The following SGCZ variants were observed in gnomAD, a reference collection of about 807,000 sequenced individuals.
SGCZ encodes zeta-sarcoglycan.
SGCZ carries 40 observed loss-of-function variants against 41.3 expected under a neutral mutation model. The observed-to-expected ratio is 0.97, with a 90% confidence interval of 0.75 to 1.26. The LOEUF (loss-of-function observed/expected upper bound fraction) is 1.26, where lower values mean the gene tolerates loss of function less well. Among genes scored for constraint, SGCZ ranks in the 50% most tolerant of loss-of-function variants. The pLI is 0.00. For missense variants in SGCZ, 552 were observed against 369.8 expected (o/e 1.49, Z -4.04); for synonymous variants, 206 against 137.5 (o/e 1.50, Z -3.49).
intron 2 of SGCZ, among the ~76,000 whole-genome samples, chr8:14,333,559 C>T (rs1209832394): frequency 6.6e-6 from 1 of 151,754 alleles, no homozygotes; most frequent in East Asian, 1.9e-4. Context: ...TTTAGAAAAC[C>T]ATTGCATGAT....
intron 1 of SGCZ, among the ~76,000 whole-genome samples, chr8:14,738,956 A>G (rs1799125014): frequency 6.6e-6 from 1 of 152,074 alleles, no homozygotes; most frequent in Non-Finnish European, 1.5e-5. Context: ...TTCAACAACT[A>G]TGATTGGTGG....
intron 2 of SGCZ, among the ~76,000 whole-genome samples, chr8:14,406,457 C>A (rs1320980434): frequency 6.6e-6 from 1 of 152,100 alleles, no homozygotes; most frequent in African/African-American, 2.4e-5. Context: ...TTCTCTTGTT[C>A]ATTGCTGGGG....
At chr8:14,786,678 T>C (rs1393127831) in intron 1 of SGCZ, among the ~76,000 whole-genome samples, 1 of 151,836 alleles carries the variant, frequency 6.6e-6, no homozygotes, top group Non-Finnish European at 1.5e-5. Flanking sequence ...AAACAGAAAG[T>C]CTATGGAGTT....
intron 5 of SGCZ, among the ~76,000 whole-genome samples, chr8:14,124,042 A>G (rs1485252039): frequency 6.6e-6 from 1 of 152,146 alleles, no homozygotes; most frequent in African/African-American, 2.4e-5. Flanking sequence ...AAAGCAAAGG[A>G]AACAGATTGA....
intron 1 of SGCZ, among the ~76,000 whole-genome samples, chr8:15,232,745 A>G (rs921326899): frequency 6.8e-6 from 1 of 146,082 alleles, no homozygotes. Context: ...ATATGTGTGT[A>G]TATATATACA....
intron 1 of SGCZ, among the ~76,000 whole-genome samples, chr8:14,730,207 G>A (rs13263700): frequency 0.18 from 27,984 of 152,110 alleles, 2,814 homozygotes; most frequent in Admixed American, 0.29. Flanking sequence ...CTGGAGTGCC[G>A]CACGAAGCTT....
intron 1 of SGCZ, among the ~76,000 whole-genome samples, chr8:15,023,292 T>A (rs1478894513): frequency 6.6e-6 from 1 of 152,178 alleles, no homozygotes; most frequent in African/African-American, 2.4e-5. Context: ...CCCAGCAGCC[T>A]GCTGGTTTGT....
At chr8:14,556,806 T>G (rs73533170) in intron 1 of SGCZ, among the ~76,000 whole-genome samples, 12,081 of 152,102 alleles carry the variant, frequency 0.079, 613 homozygotes, top group African/African-American at 0.14. Context: ...AGTATTCCAC[T>G]GTACATATAT....
chr8:14,849,252 A>C (rs976673241), intron 1 of SGCZ, among the ~76,000 whole-genome samples: 2 of 152,180 alleles, frequency 1.3e-5, no homozygotes, highest in African/African-American at 4.8e-5. Flanking sequence ...AATCTTTTTT[A>C]AAAAGAATTT....
intron 3 of SGCZ, among the ~76,000 whole-genome samples, chr8:14,241,025 A>G (rs1462945378): frequency 2.0e-5 from 3 of 152,220 alleles, no homozygotes; most frequent in Non-Finnish European, 4.4e-5. Flanking sequence ...ACAAAAAAAG[A>G]AAGACATTTA....
At chr8:15,094,280 G>A (rs1037827514) in intron 1 of SGCZ, among the ~76,000 whole-genome samples, 6 of 151,942 alleles carry the variant, frequency 3.9e-5, no homozygotes, top group African/African-American at 7.3e-5. Context: ...GATTACAGGC[G>A]TGCACCACCA....
intron 3 of SGCZ, among the ~76,000 whole-genome samples, chr8:14,302,986 T>G (rs1279937892): frequency 2.6e-5 from 4 of 152,222 alleles, no homozygotes; most frequent in African/African-American, 9.6e-5. Context: ...CACTGAGCAC[T>G]TGCTCAGGGC....
chr8:14,108,158 C>G lies in SGCZ; in HGVS notation c.620+5G>C. Reference sequence around the variant, plus strand: ...TATGCCACAGGTATAAGAGGAAGCCCTTACCTGAGATCTTGGGATGGCTCT... The same window carrying G: ...TATGCCACAGGTATAAGAGGAAGCCGTTACCTGAGATCTTGGGATGGCTCT... On this transcript the variant is annotated splice_donor_5th_base_variant and intron_variant, in intron 6 of 7. Coordinates refer to ENST00000382080, the MANE Select transcript of SGCZ (RefSeq NM_139167.4). 1 of 1,613,918 alleles carries G rather than the reference C, an allele frequency of 6.2e-7. No individual in the cohort carries two copies. Among genetic ancestry groups the G allele is most frequent in the Non-Finnish European group, 8.5e-7 (1 of 1,179,882 alleles).
At position 14,237,597 on chromosome 8, in the gene SGCZ, G is replaced by A. The variant is rs760258085; in HGVS notation, c.419C>T (p.Thr140Ile). The A allele has an allele frequency of 6.2e-7, 1 of 1,613,626 alleles. No homozygotes were observed. Among genetic ancestry groups the A allele is most frequent in the East Asian group, 2.2e-5 (1 of 44,868 alleles). ...CTTTACCCCAAAACACTCACCTATG[G>A]TCAGCTGTCCGGTTAACTGCCCCAT... is the stretch of plus-strand genomic sequence containing the variant. ...NHMGQLTGQL[T>I]IGADAVEAQC... The change falls in exon 4 of 8, where the codon ACC (threonine) becomes ATC (isoleucine). Residue 140 changes from threonine to isoleucine, a missense_variant. Coordinates refer to ENST00000382080, the MANE Select transcript of SGCZ (RefSeq NM_139167.4).
At chr8:15,043,107 G>C (rs1437144961) in intron 1 of SGCZ, among the ~76,000 whole-genome samples, 1 of 152,154 alleles carries the variant, frequency 6.6e-6, no homozygotes, top group Non-Finnish European at 1.5e-5. Context: ...GTTTACAACA[G>C]CATCCTCAAC....
At chr8:14,633,722 A>T (rs1373922097) in intron 1 of SGCZ, among the ~76,000 whole-genome samples, 1 of 151,840 alleles carries the variant, frequency 6.6e-6, no homozygotes, top group East Asian at 1.9e-4. Context: ...TTAATTCAAC[A>T]AGTTTAGCCT....
At chr8:14,782,056 T>C (rs1371093934) in intron 1 of SGCZ, among the ~76,000 whole-genome samples, 1 of 152,186 alleles carries the variant, frequency 6.6e-6, no homozygotes, top group Admixed American at 6.5e-5. Context: ...GGTGACAAAC[T>C]TGTACAATGT....
At position 14,684,604 on chromosome 8, in the gene SGCZ, G is replaced by A. The variant is rs1004938286; in HGVS notation, c.40-129678C>T. 1.8e-4 allele frequency among the ~76,000 whole-genome samples: 28 copies of A among 152,016 alleles called. 1 individual carries two copies. The highest frequency in any genetic ancestry group is 2.9e-5 in the Non-Finnish European group (2 of 68,010). ...ACCTATAAAACACACAAGCAAATAAGTGTAAAAATTAAAATAGCTTTAAAA... is the reference window on the plus strand; with the variant it reads ...ACCTATAAAACACACAAGCAAATAAATGTAAAAATTAAAATAGCTTTAAAA... On this transcript the variant is annotated intron_variant, in intron 1 of 7. Coordinates refer to ENST00000382080, the MANE Select transcript of SGCZ (RefSeq NM_139167.4).
intron 3 of SGCZ, among the ~76,000 whole-genome samples, chr8:14,311,702 G>C (rs1385631668): frequency 6.6e-6 from 1 of 152,152 alleles, no homozygotes; most frequent in African/African-American, 2.4e-5. Context: ...TGTCTAAAGT[G>C]ATGGAGAAGT....
Sources: allele counts gnomAD v4.1 joint callset (sites outside exome capture counted in the v4.1 genomes callset), GRCh38; gene constraint gnomAD v4.1.1; transcripts MANE v1.5; gene names NCBI Gene and HGNC (gene_info 2026-07-23, HGNC 2026-07-21).